RARB: variants seen among roughly 807,000 people sequenced by gnomAD.
RARB encodes the protein retinoic acid receptor beta.
In RARB, 17 loss-of-function variants were observed where a neutral mutation model predicts 51.9. That is an observed-to-expected ratio of 0.33 (90% CI 0.22 to 0.49). RARB has a LOEUF of 0.49. Ranked by LOEUF, RARB falls within the 20% of genes least tolerant of loss-of-function variation. The probability of loss-of-function intolerance (pLI) is 0.99; values close to 1 mark genes in which losing one functional copy is unlikely to be tolerated. For missense variants in RARB, 369 were observed against 550.8 expected (o/e 0.67, Z 3.30); for synonymous variants, 215 against 195.4 (o/e 1.10, Z -0.84).
chr3:25,312,815 G>A (rs1704322292), intron 5 of RARB, among the ~76,000 whole-genome samples: 1 of 152,212 alleles, frequency 6.6e-6, no homozygotes, highest in African/African-American at 2.4e-5. Context: ...GAACTTGGGA[G>A]CAGCTGTCCC....
intron 2 of RARB, among the ~76,000 whole-genome samples, chr3:25,475,153 T>G (rs1397154385): frequency 6.6e-6 from 1 of 152,198 alleles, no homozygotes; most frequent in East Asian, 1.9e-4. Context: ...CAGACTTTGG[T>G]GGTTTAAGAT....
intron 1 of RARB, among the ~76,000 whole-genome samples, chr3:25,434,726 G>C (rs140942783): frequency 0.018 from 2,717 of 151,896 alleles, 35 homozygotes; most frequent in South Asian, 0.036. Context: ...ATTTTTAGTA[G>C]AGATGGGGTT....
intron 2 of RARB, among the ~76,000 whole-genome samples, chr3:25,025,980 T>C (rs560585502): frequency 6.6e-6 from 1 of 152,260 alleles, no homozygotes; most frequent in East Asian, 1.9e-4. Context: ...CCTGATAGTC[T>C]GCAATCCCAA....
intron 4 of RARB, among the ~76,000 whole-genome samples, chr3:25,170,019 A>T (rs559314171): frequency 2.0e-5 from 3 of 152,054 alleles, no homozygotes; most frequent in African/African-American, 7.2e-5. Context: ...GAAAGAAAAA[A>T]AAAAAGAAAT....
intron 4 of RARB, among the ~76,000 whole-genome samples, chr3:25,157,791 G>A (rs145011068): frequency 1.2e-4 from 18 of 152,234 alleles, no homozygotes; most frequent in South Asian, 4.1e-4. Context: ...GCTGAGACTC[G>A]AGATTTTACT....
chr3:25,293,390 C>T (rs910445599), intron 5 of RARB, among the ~76,000 whole-genome samples: 4 of 151,894 alleles, frequency 2.6e-5, no homozygotes, highest in Admixed American at 2.6e-4. Context: ...CCACTTAGAC[C>T]AGTGCCTGGC....
chr3:24,979,194 A>C (rs751470993), intron 2 of RARB, among the ~76,000 whole-genome samples: 2 of 152,184 alleles, frequency 1.3e-5, no homozygotes, highest in Non-Finnish European at 2.9e-5. Context: ...TTTTAGAATA[A>C]GTGCGATGTG....
rs1708060395 is a variant in RARB at position 25,428,331 on chromosome 3, A to G, written c.-401A>G. ...TCTATTCTTTGCCAAAGGGGGGACC[A>G]GAATTCCCCCATGCGAGCTGTTTGA... is the stretch of plus-strand genomic sequence containing the variant. On this transcript the variant is annotated 5_prime_UTR_variant, in exon 1 of 8. Coordinates refer to ENST00000330688, the MANE Select transcript of RARB (RefSeq NM_000965.5). 1 of 1,246,148 alleles carries G rather than the reference A, an allele frequency of 8.0e-7. No homozygotes were observed. The highest frequency in any genetic ancestry group is 3.1e-5 in the East Asian group (1 of 32,456). 77.2% of individuals were successfully genotyped at this position (1,246,148 alleles called of 1,614,324 possible). A position where few individuals can be genotyped will look rare whatever the true frequency, so the allele number is the denominator to read the frequency against.
At chr3:25,270,151 T>G (rs1412502678) in intron 5 of RARB, among the ~76,000 whole-genome samples, 2 of 152,206 alleles carry the variant, frequency 1.3e-5, no homozygotes, top group African/African-American at 4.8e-5. Context: ...ATTTCACTTA[T>G]GGGTGTTAAC....
intron 5 of RARB, among the ~76,000 whole-genome samples, chr3:25,299,536 G>A (rs1703991565): frequency 1.3e-5 from 2 of 152,106 alleles, no homozygotes; most frequent in African/African-American, 4.8e-5. Context: ...ATTATGAATG[G>A]AAGTAACCAC....
chr3:24,975,191 C>G (rs1696484310), intron 2 of RARB, among the ~76,000 whole-genome samples: 1 of 152,100 alleles, frequency 6.6e-6, no homozygotes, highest in Admixed American at 6.6e-5. Flanking sequence ...GAAATTAAAT[C>G]CTGGCTGTCA....
intron 2 of RARB, among the ~76,000 whole-genome samples, chr3:24,951,831 T>G (rs1234188000): frequency 2.0e-5 from 3 of 152,250 alleles, no homozygotes; most frequent in Non-Finnish European, 1.5e-5. Context: ...ATTTATTGAT[T>G]AACCTTACAG....
At chr3:25,398,473 T>C (rs1175158734) in intron 5 of RARB, among the ~76,000 whole-genome samples, 1 of 152,372 alleles carries the variant, frequency 6.6e-6, no homozygotes. Flanking sequence ...CTTTACAAGG[T>C]ATTGGCACTG....
chr3:24,932,862 A>AT (rs200416235), intron 2 of RARB, among the ~76,000 whole-genome samples: 3,006 of 152,202 alleles, frequency 0.02, 59 homozygotes, highest in Middle Eastern at 0.065. Context: ...TCTCTGTTCT[A>AT]TTTTATTTAT....
intron 3 of RARB, among the ~76,000 whole-genome samples, chr3:25,070,907 C>A (rs1256379209): frequency 6.6e-6 from 1 of 152,094 alleles, no homozygotes; most frequent in Non-Finnish European, 1.5e-5. Context: ...TAGGGAGGAT[C>A]CAGGTATTGG....
At chr3:25,130,110 C>A (rs1287502732) in intron 3 of RARB, among the ~76,000 whole-genome samples, 1 of 151,992 alleles carries the variant, frequency 6.6e-6, no homozygotes, top group Admixed American at 6.6e-5. Flanking sequence ...TAAGACTGTG[C>A]CATAGGACAA....
intron 5 of RARB, among the ~76,000 whole-genome samples, chr3:25,325,056 C>T (rs1704674322): frequency 6.6e-6 from 1 of 152,180 alleles, no homozygotes; most frequent in Admixed American, 6.5e-5. Context: ...GTGCCATGGG[C>T]TGCTAGACTA....
rs112452187 is a variant in RARB, at chr3:24,932,590, C to T, written c.-380+73838C>T. Among the ~76,000 whole-genome samples, 15 of 152,188 alleles carry T rather than the reference C, an allele frequency of 9.9e-5. 1 individual carries two copies. Among genetic ancestry groups the T allele is most frequent in the African/African-American group, 3.4e-4 (14 of 41,540 alleles). ...ATATTTGTTGTAATTTTCCAGTAAG[C>T]TGAAAGTCTTCTATATGTTTATCAT... On this transcript the variant is annotated intron_variant, in intron 2 of 11. Transcript: ENST00000383772.
chr3:25,289,680 G>A (rs1311239393), intron 5 of RARB, among the ~76,000 whole-genome samples: 2 of 152,184 alleles, frequency 1.3e-5, no homozygotes, highest in Non-Finnish European at 2.9e-5. Context: ...CAACTCAAAA[G>A]ATAATTGCTG....
Sources: gnomAD v4.1 joint callset for allele counts (sites outside exome capture counted in the v4.1 genomes callset) on GRCh38, gnomAD v4.1.1 for gene constraint, MANE v1.5 for transcripts, NCBI Gene and HGNC (gene_info 2026-07-23, HGNC 2026-07-21) for gene names.